NKAIN3: variants seen among roughly 807,000 people sequenced by gnomAD.
The protein encoded by NKAIN3 is sodium/potassium transporting ATPase interacting 3.
A neutral mutation model predicts 30.2 loss-of-function variants in NKAIN3; 25 were observed. The observed-to-expected ratio is 0.83, with a 90% CI of 0.60 to 1.16. The LOEUF (loss-of-function observed/expected upper bound fraction) is 1.16, where lower values mean the gene tolerates loss of function less well. Among genes scored for constraint, NKAIN3 ranks in the 50% most tolerant of loss-of-function variants. The pLI is 0.00. For missense variants in NKAIN3, 225 were observed against 254.1 expected (o/e 0.89, Z 0.78); for synonymous variants, 91 against 89.6 (o/e 1.02, Z -0.09).
chr8:62,726,624 C>T (rs534348953), intron 3 of NKAIN3, among the ~76,000 whole-genome samples: 70 of 152,050 alleles, frequency 4.6e-4, no homozygotes, highest in African/African-American at 1.7e-3. Context: ...TTGAACTATT[C>T]TTGCATCCCT....
chr8:62,317,372 T>G (rs1396078714), intron 1 of NKAIN3, among the ~76,000 whole-genome samples: 1 of 152,184 alleles, frequency 6.6e-6, no homozygotes, highest in Non-Finnish European at 1.5e-5. Context: ...TGAATGGGTA[T>G]TGCCTAGGTT....
chr8:62,429,064 C>T (rs958236341), intron 1 of NKAIN3, among the ~76,000 whole-genome samples: 2 of 151,854 alleles, frequency 1.3e-5, no homozygotes, highest in Non-Finnish European at 2.9e-5. Context: ...CCAGTTCTTC[C>T]AGCTTATTTA....
chr8:62,901,701 A>C (rs113701879), intron 4 of NKAIN3, among the ~76,000 whole-genome samples: 364 of 152,350 alleles, frequency 2.4e-3, no homozygotes, highest in Non-Finnish European at 2.7e-3. Context: ...ATTCAATTAC[A>C]GAAAAGCAGG....
chr8:62,331,002 C>G (rs1215261554), intron 1 of NKAIN3, among the ~76,000 whole-genome samples: 1 of 147,698 alleles, frequency 6.8e-6, no homozygotes, highest in African/African-American at 2.6e-5. Context: ...CTCTCTCTTT[C>G]TCTCTCTCTC....
At chr8:62,450,988 C>T (rs1805620288) in intron 1 of NKAIN3, among the ~76,000 whole-genome samples, 1 of 152,080 alleles carries the variant, frequency 6.6e-6, no homozygotes, top group Non-Finnish European at 1.5e-5. Context: ...AAAGGTCATA[C>T]AGGTAGTACT....
intron 4 of NKAIN3, among the ~76,000 whole-genome samples, chr8:62,905,402 G>A (rs1057181903): frequency 1.3e-5 from 2 of 152,060 alleles, no homozygotes; most frequent in African/African-American, 4.8e-5. Flanking sequence ...CTCAAATTGT[G>A]AATAAAGATT....
intron 1 of NKAIN3, among the ~76,000 whole-genome samples, chr8:62,408,381 G>A (rs1389602346): frequency 6.6e-6 from 1 of 152,026 alleles, no homozygotes; most frequent in Non-Finnish European, 1.5e-5. Context: ...GCAGTATACA[G>A]CCCACAAGAC....
intron 4 of NKAIN3, among the ~76,000 whole-genome samples, chr8:62,786,100 C>T (rs780716522): frequency 3.8e-4 from 58 of 152,026 alleles, no homozygotes; most frequent in Non-Finnish European, 6.9e-4. Flanking sequence ...GAAAAAAGTG[C>T]TCAATTCAAG....
chr8:62,633,579 A>G (rs1812032955), intron 3 of NKAIN3, among the ~76,000 whole-genome samples: 1 of 152,182 alleles, frequency 6.6e-6, no homozygotes, highest in Non-Finnish European at 1.5e-5. Flanking sequence ...ACCACAGATA[A>G]CAGAGAGAAA....
chr8:62,303,684 G>GA (rs1334796805), intron 1 of NKAIN3, among the ~76,000 whole-genome samples: 1 of 150,146 alleles, frequency 6.7e-6, no homozygotes, highest in Non-Finnish European at 1.5e-5. Context: ...GTTTTAATTT[G>GA]AAAAAAATCA....
intron 1 of NKAIN3, among the ~76,000 whole-genome samples, chr8:62,382,974 G>A (rs1003265402): frequency 2.6e-5 from 4 of 152,038 alleles, no homozygotes; most frequent in Non-Finnish European, 5.9e-5. Flanking sequence ...TTCTTTCAGG[G>A]TTCTCTTCCA....
rs1474764285 is a variant in NKAIN3, at chr8:62,355,686, T to C, written c.54+106559T>C. Among the ~76,000 whole-genome samples the C allele has an allele frequency of 2.0e-5, 3 of 152,176 alleles. No homozygotes were observed. In the East Asian group the frequency reaches 5.8e-4, roughly 29 times the overall value. On this transcript the variant is annotated intron_variant, in intron 1 of 6. Coordinates refer to ENST00000623646, the MANE Select transcript of NKAIN3 (RefSeq NM_001304533.3). The stretch of plus-strand genomic sequence containing the variant: ...TACATACTTCAATCACATATGCAAT[T>C]ATATGGTATGTTAGTGAAATTGCTC...
intron 1 of NKAIN3, among the ~76,000 whole-genome samples, chr8:62,314,555 T>TG (rs1202070349): frequency 2.0e-5 from 3 of 152,222 alleles, no homozygotes; most frequent in African/African-American, 7.2e-5. Context: ...AAAAGGACTC[T>TG]GCTTTCAAAT....
At chr8:62,474,288 G>A (rs1806444450) in intron 1 of NKAIN3, 1 of 152,158 alleles carries the variant, frequency 6.6e-6, no homozygotes, top group Admixed American at 6.5e-5. Context: ...AGCACCAGAG[G>A]GACAAACTCT....
chr8:62,478,466 G>A (rs1305052497), intron 1 of NKAIN3, among the ~76,000 whole-genome samples: 1 of 152,102 alleles, frequency 6.6e-6, no homozygotes, highest in Non-Finnish European at 1.5e-5. Context: ...ATTCACAGAA[G>A]AACTGAAGGT....
At chr8:62,902,128 C>T (rs140442635) in intron 4 of NKAIN3, among the ~76,000 whole-genome samples, 3 of 152,246 alleles carry the variant, frequency 2.0e-5, no homozygotes, top group African/African-American at 7.2e-5. Context: ...TCAATGCATA[C>T]AACCTGGAGA....
intron 1 of NKAIN3, among the ~76,000 whole-genome samples, chr8:62,464,293 A>C (rs1442958593): frequency 1.3e-5 from 2 of 152,184 alleles, no homozygotes; most frequent in Non-Finnish European, 2.9e-5. Context: ...AAACTCAGAA[A>C]GCTGGTGCCA....
At chr8:62,873,120 G>A (rs1820694424) in intron 4 of NKAIN3, among the ~76,000 whole-genome samples, 1 of 152,072 alleles carries the variant, frequency 6.6e-6, no homozygotes, top group Non-Finnish European at 1.5e-5. Context: ...ACACACATAG[G>A]CTCAAAATAA....
intron 1 of NKAIN3, among the ~76,000 whole-genome samples, chr8:62,255,799 G>T (rs1050193411): frequency 6.6e-6 from 1 of 152,128 alleles, no homozygotes; most frequent in Non-Finnish European, 1.5e-5. Flanking sequence ...GCCCTCATGG[G>T]AGTCTTTGGA....
Sources: gnomAD v4.1 joint callset for allele counts (sites outside exome capture counted in the v4.1 genomes callset) on GRCh38, gnomAD v4.1.1 for gene constraint, MANE v1.5 for transcripts, NCBI Gene and HGNC (gene_info 2026-07-23, HGNC 2026-07-21) for gene names.